The following TK2 variants were observed in gnomAD, a reference collection of about 807,000 sequenced individuals.
The protein encoded by TK2 is thymidine kinase 2, mitochondrial.
A neutral mutation model predicts 41.9 loss-of-function variants in TK2; 35 were observed. That is an observed-to-expected ratio of 0.84 (90% CI 0.64 to 1.11). The LOEUF (loss-of-function observed/expected upper bound fraction) is 1.11, where lower values mean the gene tolerates loss of function less well. Ranked by LOEUF, TK2 falls within the 50% of genes least tolerant of loss-of-function variation. The pLI, the probability that TK2 is intolerant of heterozygous loss-of-function variation, is 0.00. For synonymous variants in TK2, 128 were observed against 129.1 expected (o/e 0.99, Z 0.06); for missense variants, 320 against 351.1 (o/e 0.91, Z 0.71).
Position 66,517,349 on chromosome 16 carries a change from C to G in TK2, c.539-134G>C. On this transcript the variant is annotated intron_variant, in intron 7 of 9. Transcript: ENST00000544898. The surrounding 1 kb of genome is among the most constrained non-coding windows in gnomAD (Gnocchi z 4.3). ...AGGGAGGGCCAGCTCTTGGCTTGAC[C>G]ACTGACCCTCCGCCTCGACTTTCAT... The G allele has an allele frequency of 1.2e-6, 1 of 806,258 alleles. No homozygotes were observed. The highest frequency in any genetic ancestry group is 2.7e-4 in the Middle Eastern group (1 of 3,768). The allele number at this position is 806,258 out of a possible 1,614,324, so 49.9% of individuals were successfully genotyped here. A position where few individuals can be genotyped will look rare whatever the true frequency, so the allele number is the denominator to read the frequency against.
Position 66,511,650 on chromosome 16 carries a change from T to G in TK2, c.*318A>C. The stretch of plus-strand genomic sequence containing the variant: ...CGATTGGTACACAGCTCCAGCGTGG[T>G]GTCAGGCACACAACAGGTGCTCTCC... On this transcript the variant is annotated 3_prime_UTR_variant, in exon 10 of 10. Transcript: ENST00000544898. The G allele has an allele frequency of 2.3e-6, 1 of 439,396 alleles. No homozygotes were observed. Among genetic ancestry groups the G allele is most frequent in the East Asian group, 5.0e-5 (1 of 20,142 alleles). 27.2% of individuals were successfully genotyped at this position (439,396 alleles called of 1,614,324 possible). A position where few individuals can be genotyped will look rare whatever the true frequency, so the allele number is the denominator to read the frequency against.
At chr16:66,534,439 C>G (rs974129226) in intron 4 of TK2, among the ~76,000 whole-genome samples, 1 of 152,228 alleles carries the variant, frequency 6.6e-6, no homozygotes, top group African/African-American at 2.4e-5. Context: ...CTCCCCTGCT[C>G]AGAACCTTCC....
intron 2 of TK2, among the ~76,000 whole-genome samples, chr16:66,542,605 ACT>A (rs911591910): frequency 7.7e-4 from 117 of 152,154 alleles, no homozygotes; most frequent in African/African-American, 2.8e-3. Flanking sequence ...TTGAACCTAG[ACT>A]CTGCTCACAA....
At chr16:66,518,969 T>A (rs940673161) in intron 6 of TK2, among the ~76,000 whole-genome samples, 1 of 152,026 alleles carries the variant, frequency 6.6e-6, no homozygotes, top group Non-Finnish European at 1.5e-5. Context: ...TATTTTTTTT[T>A]TTTATTTTTT....
chr16:66,512,159 G>A, intron 9 of TK2, 93 bp from the exon 10 acceptor site: 1 of 1,179,936 alleles, frequency 8.5e-7, no homozygotes, highest in Non-Finnish European at 1.3e-6. Flanking sequence ...GCAGGCAGCA[G>A]GGGGCAGGGA....
At chr16:66,527,241 C>T (rs180752463) in intron 6 of TK2, among the ~76,000 whole-genome samples, 388 of 152,318 alleles carry the variant, frequency 2.5e-3, no homozygotes, top group East Asian at 6.8e-3. Flanking sequence ...GGCAAAGCCA[C>T]GGCCAGGACT....
At position 66,508,467 on chromosome 16, in the gene TK2, A is replaced by G. The variant is rs887507899; in HGVS notation, c.*3501T>C. ...ACAATGGATGACTGACATTTGCAAGAGCTTGCCAATTATTTTAATAACTAA... is the reference window on the plus strand; with the variant it reads ...ACAATGGATGACTGACATTTGCAAGGGCTTGCCAATTATTTTAATAACTAA... On this transcript the variant is annotated 3_prime_UTR_variant, in exon 10 of 10. Transcript: ENST00000544898. 2 of 152,296 alleles carry G rather than the reference A, an allele frequency of 1.3e-5. No individual in the cohort carries two copies. Among genetic ancestry groups the G allele is most frequent in the Non-Finnish European group, 2.9e-5 (2 of 68,076 alleles). The allele number at this position is 152,296 out of a possible 1,614,324, so 9.4% of individuals were successfully genotyped here.
intron 2 of TK2, among the ~76,000 whole-genome samples, chr16:66,543,626 C>A (rs1199080244): frequency 6.6e-6 from 1 of 152,182 alleles, no homozygotes; most frequent in African/African-American, 2.4e-5. Flanking sequence ...AGGTAACTTA[C>A]CCAAGTGCCA....
chr16:66,549,620 T>A lies in TK2; in HGVS notation c.124+318A>T, dbSNP rs938002723. On this transcript the variant is annotated intron_variant, in intron 1 of 9. Coordinates refer to ENST00000544898, the MANE Select transcript of TK2 (RefSeq NM_004614.5). ...GGCTTAAGGCAGCTCCCAGTCCCCA[T>A]CGCCCCCAAGGTCGAAAGAATCGGG... 2.9e-5 allele frequency: 33 copies of A among 1,157,272 alleles called. 1 individual carries two copies. In the Admixed American group the frequency reaches 1.5e-3, roughly 52 times the overall value. 71.7% of individuals were successfully genotyped at this position (1,157,272 alleles called of 1,614,324 possible). A position where few individuals can be genotyped will look rare whatever the true frequency, so the allele number is the denominator to read the frequency against.
chr16:66,543,530 A>T (rs1220679831), intron 2 of TK2, among the ~76,000 whole-genome samples: 3 of 152,140 alleles, frequency 2.0e-5, no homozygotes, highest in Non-Finnish European at 4.4e-5. Flanking sequence ...CTCCAGGGGC[A>T]CACACAGAGA....
chr16:66,534,489 TATC>T (rs948665483), intron 4 of TK2, among the ~76,000 whole-genome samples: 2 of 152,118 alleles, frequency 1.3e-5, no homozygotes, highest in African/African-American at 4.8e-5. Flanking sequence ...TCCAAACCCT[TATC>T]ATGGCCCACA....
chr16:66,523,649 T>C (rs573022457), intron 6 of TK2, among the ~76,000 whole-genome samples: 24 of 151,844 alleles, frequency 1.6e-4, no homozygotes, highest in Non-Finnish European at 2.9e-4. Flanking sequence ...GCCAACATGG[T>C]AAAACCCTGT....
chr16:66,538,118 G>A (rs955593377), intron 3 of TK2, among the ~76,000 whole-genome samples: 1 of 152,144 alleles, frequency 6.6e-6, no homozygotes, highest in East Asian at 1.9e-4. Context: ...AGCCAAGATC[G>A]CGCTACTGCA....
At position 66,511,932 on chromosome 16, in the gene TK2, G is replaced by A. The variant is rs1250502661; in HGVS notation, c.*36C>T. On this transcript the variant is annotated 3_prime_UTR_variant, in exon 10 of 10. Transcript: ENST00000544898. ...CCAATAGCTAACTTGGCAGCAGCAG[G>A]CATTTTTCAGACATGAGCCATAGAC... 4.4e-6 allele frequency: 7 copies of A among 1,593,044 alleles called. No homozygotes were observed. Among genetic ancestry groups the A allele is most frequent in the South Asian group, 2.2e-5 (2 of 90,680 alleles).
intron 6 of TK2, among the ~76,000 whole-genome samples, chr16:66,523,008 G>A (rs1281940154): frequency 6.6e-6 from 1 of 152,190 alleles, no homozygotes; most frequent in East Asian, 1.9e-4. Flanking sequence ...AGGGTAGACA[G>A]TGCCAGAAGA....
At chr16:66,525,242 C>G (rs981463660) in intron 6 of TK2, among the ~76,000 whole-genome samples, 2 of 152,148 alleles carry the variant, frequency 1.3e-5, no homozygotes, top group African/African-American at 2.4e-5. Flanking sequence ...TTCTCTGCCT[C>G]CTGGACTTAG....
Position 66,544,631 on chromosome 16 carries a change from T to G in TK2, c.157-2678A>C, listed in dbSNP as rs146023488. On this transcript the variant is annotated intron_variant, in intron 2 of 9. Coordinates refer to ENST00000544898, the MANE Select transcript of TK2 (RefSeq NM_004614.5). ...ACATGGCCGGCCTGGCCCAACACTC[T>G]GTGATTACGCTACAATTTATCTCCA... Among the ~76,000 whole-genome samples, 1,096 of 152,326 alleles carry G rather than the reference T, an allele frequency of 7.2e-3. 21 individuals carry two copies. In the South Asian group the frequency reaches 0.082, roughly 11 times the overall value.
intron 2 of TK2, 163 bp downstream of exon 2, chr16:66,548,815 A>G: frequency 1.5e-6 from 1 of 680,858 alleles, no homozygotes. Context: ...TTGGTAACAG[A>G]GGTGGCCTTC....
Position 66,549,960 on chromosome 16 carries a change from C to T in TK2, c.102G>A (p.Val34=). 1 of 1,451,950 alleles carries T rather than the reference C, an allele frequency of 6.9e-7. No homozygotes were observed. Among genetic ancestry groups the T allele is most frequent in the Non-Finnish European group, 9.0e-7 (1 of 1,113,656 alleles). The allele number at this position is 1,451,950 out of a possible 1,614,324, so 89.9% of individuals were successfully genotyped here. Reference sequence around the variant, plus strand: ...TACCGGGAGGCCAGGCCCGGCGCTGCACCCTCCGCGGCCCGGGGCCTGAGG... The same window carrying T: ...TACCGGGAGGCCAGGCCCGGCGCTGTACCCTCCGCGGCCCGGGGCCTGAGG... ...SPASGPGPRR[V]QRRAWPPDKE... The change falls in exon 1 of 10, where the codon GTG becomes GTA. Residue 34 remains valine (V), a synonymous_variant. Coordinates refer to ENST00000544898, the MANE Select transcript of TK2 (RefSeq NM_004614.5).
Sources: gnomAD v4.1 joint callset for allele counts (sites outside exome capture counted in the v4.1 genomes callset) on GRCh38, gnomAD v4.1.1 for gene constraint, Gnocchi (gnomAD v3.1) non-coding constraint, MANE v1.5 for transcripts, NCBI Gene and HGNC (gene_info 2026-07-23, HGNC 2026-07-21) for gene names.